The following SLC44A3 variants were observed in gnomAD, a reference collection of about 807,000 sequenced individuals.
The protein encoded by SLC44A3 is choline transporter-like protein 3.
A neutral mutation model predicts 75.4 loss-of-function variants in SLC44A3; 74 were observed. The observed-to-expected ratio is 0.98, with a 90% CI of 0.81 to 1.19. The LOEUF (loss-of-function observed/expected upper bound fraction) is 1.19, where lower values mean the gene tolerates loss of function less well. SLC44A3 is among the 50% of genes most tolerant of loss of function. SLC44A3 has a pLI of 0.00. For synonymous variants in SLC44A3, 310 were observed against 296.9 expected, an observed-to-expected ratio of 1.04 and a Z score of -0.45; for missense variants, 700 against 778.6, an observed-to-expected ratio of 0.90 and a Z score of 1.20.
At chr1:94,820,535 C>T (rs1282090171) in intron 1 of SLC44A3, 57 bp downstream of exon 1, 65 of 1,474,392 alleles carry the variant, frequency 4.4e-5, no homozygotes, top group South Asian at 2.5e-4. Flanking sequence ...GGTCGAGTCC[C>T]CCGCCTTCAC....
intron 12 of SLC44A3, among the ~76,000 whole-genome samples, chr1:94,873,268 T>C (rs2101542811): frequency 6.6e-6 from 1 of 152,278 alleles, no homozygotes; most frequent in East Asian, 1.9e-4. Flanking sequence ...CGATGCACCT[T>C]GATGCAGTGT....
At chr1:94,848,234 A>AG (rs1246834466) in intron 9 of SLC44A3, among the ~76,000 whole-genome samples, 2 of 151,558 alleles carry the variant, frequency 1.3e-5, no homozygotes, top group Admixed American at 1.3e-4. Context: ...GTCTCAAAAA[A>AG]AAAAAAAAAT....
intron 12 of SLC44A3, among the ~76,000 whole-genome samples, chr1:94,875,082 T>G (rs1440683310): frequency 1.3e-5 from 2 of 152,134 alleles, no homozygotes; most frequent in Non-Finnish European, 2.9e-5. Flanking sequence ...AAGGTGAACC[T>G]CTCTATGGAT....
chr1:94,895,243 A>G lies in SLC44A3; in HGVS notation c.*321A>G, dbSNP rs898645829. 4 of 188,254 alleles carry G rather than the reference A, an allele frequency of 2.1e-5. No individual in the cohort carries two copies. The highest frequency in any genetic ancestry group is 4.3e-5 in the Non-Finnish European group (4 of 93,654). The allele number at this position is 188,254 out of a possible 1,614,324, so 11.7% of individuals were successfully genotyped here. On this transcript the variant is annotated 3_prime_UTR_variant, in exon 15 of 15. Coordinates refer to ENST00000271227, the MANE Select transcript of SLC44A3 (RefSeq NM_001114106.3). ...CTAATAAATAAACCTTTTTAAGATA[A>G]GGATTTTGTTAGCAGAAATCTCTGG...
chr1:94,824,771 A>G (rs1335764885), intron 3 of SLC44A3, 136 bp downstream of exon 3: 1 of 1,064,354 alleles, frequency 9.4e-7, no homozygotes, highest in Non-Finnish European at 1.3e-6. Context: ...GGCTGTGTAT[A>G]TAGTACAGGT....
intron 10 of SLC44A3, among the ~76,000 whole-genome samples, chr1:94,858,842 C>T (rs146865356): frequency 0.018 from 2,777 of 152,268 alleles, 37 homozygotes; most frequent in Non-Finnish European, 0.029. Context: ...CAGGCGCCCA[C>T]CACCACGCCT....
rs946262813 is a variant in SLC44A3, at chr1:94,892,450, T to C, written c.1790T>C (p.Phe597Ser). The C allele has an allele frequency of 1.2e-6, 2 of 1,614,114 alleles. No individual in the cohort carries two copies. Among genetic ancestry groups the C allele is most frequent in the African/African-American group, 2.7e-5 (2 of 74,942 alleles). ...GTGCTGGATGCACTTTTCCTGTGTT[T>C]TGCTGTTGATCTGGAAACAAATGAT... ...ETVLDALFLC[F>S]AVDLETNDGS... Residue 597 changes from phenylalanine (F) to serine (S), a missense_variant, in exon 14 of 15, where the codon TTT becomes TCT. Coordinates refer to ENST00000271227, the MANE Select transcript of SLC44A3 (RefSeq NM_001114106.3).
intron 12 of SLC44A3, among the ~76,000 whole-genome samples, chr1:94,879,215 A>C (rs1571421068): frequency 1.1e-4 from 1 of 8,870 alleles, no homozygotes; most frequent in African/African-American, 1.9e-4. Context: ...CAACAACTAC[A>C]AAAAAAAAAA....
intron 9 of SLC44A3, among the ~76,000 whole-genome samples, chr1:94,848,052 C>A (rs1420601425): frequency 6.6e-6 from 1 of 152,258 alleles, no homozygotes; most frequent in African/African-American, 2.4e-5. Context: ...CACGGTGAAA[C>A]CCCGTCTCTA....
intron 9 of SLC44A3, among the ~76,000 whole-genome samples, chr1:94,847,118 A>C (rs1261635099): frequency 6.6e-6 from 1 of 152,268 alleles, no homozygotes; most frequent in Non-Finnish European, 1.5e-5. Flanking sequence ...ATAATCCATC[A>C]GAATGAGGTT....
At chr1:94,823,525 C>A (rs963569791) in intron 2 of SLC44A3, among the ~76,000 whole-genome samples, 1 of 152,212 alleles carries the variant, frequency 6.6e-6, no homozygotes, top group South Asian at 2.1e-4. Context: ...AGGTTCTGGT[C>A]ATTCCTGTGT....
At chr1:94,884,982 A>T (rs1669403978) in intron 12 of SLC44A3, among the ~76,000 whole-genome samples, 1 of 152,142 alleles carries the variant, frequency 6.6e-6, no homozygotes, top group African/African-American at 2.4e-5. Flanking sequence ...GCAGTGGCTC[A>T]CGCCTATAAT....
intron 10 of SLC44A3, among the ~76,000 whole-genome samples, chr1:94,858,358 C>T (rs938986354): frequency 2.0e-5 from 3 of 152,192 alleles, no homozygotes; most frequent in African/African-American, 7.2e-5. Context: ...TAGTTACACA[C>T]TTCTCTGCTT....
At chr1:94,821,815 A>G (rs1440315595) in intron 2 of SLC44A3, among the ~76,000 whole-genome samples, 4 of 152,226 alleles carry the variant, frequency 2.6e-5, no homozygotes, top group Non-Finnish European at 5.9e-5. Flanking sequence ...ACCAGATAGT[A>G]ATTACCTTTG....
At chr1:94,840,177 A>C (rs903073738) in intron 7 of SLC44A3, 140 bp downstream of exon 7, 8 of 707,802 alleles carry the variant, frequency 1.1e-5, no homozygotes, top group Non-Finnish European at 1.4e-5. Context: ...CAAATGAGAA[A>C]ACTTGGCCTC....
At chr1:94,885,798 G>T (rs1388759920) in intron 12 of SLC44A3, among the ~76,000 whole-genome samples, 2 of 152,168 alleles carry the variant, frequency 1.3e-5, no homozygotes, top group Non-Finnish European at 2.9e-5. Context: ...GTAGCATAGA[G>T]CCTGGCACAT....
At chr1:94,873,438 T>C (rs1667969751) in intron 12 of SLC44A3, among the ~76,000 whole-genome samples, 1 of 152,196 alleles carries the variant, frequency 6.6e-6, no homozygotes. Flanking sequence ...GATAATCTTG[T>C]GAAGGTCAAG....
intron 12 of SLC44A3, among the ~76,000 whole-genome samples, chr1:94,869,038 T>G (rs1410766055): frequency 6.6e-6 from 1 of 152,248 alleles, no homozygotes; most frequent in Non-Finnish European, 1.5e-5. Flanking sequence ...CTCCACTTTA[T>G]GTGGTTTAGG....
At chr1:94,890,290 GGTT>G (rs961572845) in intron 12 of SLC44A3, among the ~76,000 whole-genome samples, 3 of 151,728 alleles carry the variant, frequency 2.0e-5, no homozygotes, top group African/African-American at 7.3e-5. Context: ...TTTTTTTCCA[GGTT>G]GTTCTCAGGG....
Sources: gnomAD v4.1 joint callset for allele counts (sites outside exome capture counted in the v4.1 genomes callset) on GRCh38, gnomAD v4.1.1 for gene constraint, MANE v1.5 for transcripts, NCBI Gene and HGNC (gene_info 2026-07-23, HGNC 2026-07-21) for gene names.